Variants in CSMD1 observed in about 807,000 individuals in gnomAD.
CSMD1 encodes CUB and sushi domain-containing protein 1.
In CSMD1, 213 loss-of-function variants were observed where a neutral mutation model predicts 417.5. The observed-to-expected ratio is 0.51, with a 90% CI of 0.46 to 0.57. The LOEUF is 0.57. Ranked by LOEUF, CSMD1 falls within the 20% of genes least tolerant of loss-of-function variation. The probability of loss-of-function intolerance (pLI) is 0.00; values close to 1 mark genes in which losing one functional copy is unlikely to be tolerated. For missense variants in CSMD1, 6,923 were observed against 4,529.7 expected (o/e 1.53, Z -15.17); for synonymous variants, 2,862 against 1,736.8 (o/e 1.65, Z -16.11).
chr8:3,955,442 G>GA (rs1226991073), intron 5 of CSMD1, among the ~76,000 whole-genome samples: 3 of 152,074 alleles, frequency 2.0e-5, no homozygotes, highest in Non-Finnish European at 4.4e-5. Flanking sequence ...AAACCAGAAT[G>GA]AAAAAATGTA....
At chr8:3,654,042 A>T (rs944204675) in intron 7 of CSMD1, among the ~76,000 whole-genome samples, 1 of 152,156 alleles carries the variant, frequency 6.6e-6, no homozygotes, top group Non-Finnish European at 1.5e-5. Context: ...GGCCAACTGT[A>T]TAACATCCAA....
intron 10 of CSMD1, among the ~76,000 whole-genome samples, chr8:3,532,698 C>G (rs1269964522): frequency 6.6e-6 from 1 of 152,058 alleles, no homozygotes; most frequent in Admixed American, 6.6e-5. Context: ...CATCCTTATT[C>G]CAAACAATTT....
chr8:3,762,952 C>T (rs1376244392), intron 5 of CSMD1, among the ~76,000 whole-genome samples: 1 of 139,094 alleles, frequency 7.2e-6, no homozygotes, highest in South Asian at 2.1e-4. Flanking sequence ...TTCTGCTCAT[C>T]CCCCAACTCT....
At chr8:3,796,092 TCATA>T (rs1800087529) in intron 5 of CSMD1, among the ~76,000 whole-genome samples, 1 of 26,484 alleles carries the variant, frequency 3.8e-5, no homozygotes, top group Non-Finnish European at 7.9e-5. Flanking sequence ...TATATATCTA[TCATA>T]GATATAGATA....
intron 5 of CSMD1, among the ~76,000 whole-genome samples, chr8:3,754,773 A>G (rs1048172068): frequency 1.1e-4 from 16 of 152,148 alleles, no homozygotes; most frequent in African/African-American, 3.6e-4. Flanking sequence ...TACGAATTCT[A>G]TGTAACCTGA....
intron 2 of CSMD1, among the ~76,000 whole-genome samples, chr8:4,584,589 C>G (rs1466794245): frequency 6.6e-6 from 1 of 152,054 alleles, no homozygotes; most frequent in Non-Finnish European, 1.5e-5. Flanking sequence ...CTGGGCTGAG[C>G]CGAGGGTCTA....
At position 4,728,343 on chromosome 8, in the gene CSMD1, G is replaced by A. The variant is rs967971181; in HGVS notation, c.86-90785C>T. On this transcript the variant is annotated intron_variant, in intron 1 of 69. Coordinates refer to ENST00000635120, the MANE Select transcript of CSMD1 (RefSeq NM_033225.6). ...GTTCTCTTTTTAAAAATGCTCATTT[G>A]CTTAAGTAATTTGGTCCTCATTACA... 2.2e-4 allele frequency among the ~76,000 whole-genome samples: 33 copies of A among 151,608 alleles called. 1 individual carries two copies. The highest frequency in any genetic ancestry group is 1.0e-4 in the Non-Finnish European group (7 of 67,890).
At chr8:3,019,699 T>C (rs1809196298) in intron 51 of CSMD1, among the ~76,000 whole-genome samples, 1 of 152,194 alleles carries the variant, frequency 6.6e-6, no homozygotes, top group African/African-American at 2.4e-5. Flanking sequence ...ATTGATCGTG[T>C]CCATTTTCAC....
At chr8:3,783,885 G>A (rs145442448) in intron 5 of CSMD1, among the ~76,000 whole-genome samples, 2,667 of 147,818 alleles carry the variant, frequency 0.018, 46 homozygotes, top group Non-Finnish European at 0.026. Flanking sequence ...AACTAGACTC[G>A]GCCATGGTTG....
At chr8:3,933,478 C>T (rs1197854125) in intron 5 of CSMD1, among the ~76,000 whole-genome samples, 2 of 152,082 alleles carry the variant, frequency 1.3e-5, no homozygotes, top group Admixed American at 1.3e-4. Context: ...CCCACTCAAC[C>T]CCTTTCAGCC....
intron 5 of CSMD1, among the ~76,000 whole-genome samples, chr8:3,776,319 A>C (rs1798884155): frequency 6.6e-6 from 1 of 152,140 alleles, no homozygotes; most frequent in South Asian, 2.1e-4. Context: ...CCCAAATTAG[A>C]TCACATTGCA....
At chr8:3,511,704 G>C (rs915342072) in intron 10 of CSMD1, among the ~76,000 whole-genome samples, 7 of 149,200 alleles carry the variant, frequency 4.7e-5, no homozygotes, top group East Asian at 1.9e-4. Flanking sequence ...GTTGTGGTGA[G>C]ATGAGATCAC....
intron 1 of CSMD1, among the ~76,000 whole-genome samples, chr8:4,946,988 G>T (rs992671249): frequency 2.0e-5 from 3 of 152,140 alleles, no homozygotes; most frequent in Non-Finnish European, 4.4e-5. Context: ...AGTAATCAAT[G>T]TCTGTAATCC....
At chr8:3,788,539 TCAAC>T (rs199503296) in intron 5 of CSMD1, among the ~76,000 whole-genome samples, 2 of 152,196 alleles carry the variant, frequency 1.3e-5, no homozygotes, top group Non-Finnish European at 2.9e-5. Context: ...AGATATTTAT[TCAAC>T]CATCCATCCA....
At chr8:4,437,295 ATTAT>A (rs1798203017) in intron 2 of CSMD1, among the ~76,000 whole-genome samples, 3 of 152,336 alleles carry the variant, frequency 2.0e-5, no homozygotes, top group South Asian at 4.1e-4. Context: ...CTGAAATATG[ATTAT>A]TTAGTTTGAG....
At chr8:4,368,098 G>A (rs953666159) in intron 3 of CSMD1, among the ~76,000 whole-genome samples, 4 of 152,046 alleles carry the variant, frequency 2.6e-5, no homozygotes, top group Non-Finnish European at 5.9e-5. Context: ...TGTTCTCAAG[G>A]GGAGTGCTTC....
At chr8:3,264,168 G>A (rs140694827) in intron 26 of CSMD1, among the ~76,000 whole-genome samples, 32 of 152,234 alleles carry the variant, frequency 2.1e-4, no homozygotes, top group African/African-American at 7.2e-4. Context: ...ATAAAAATCT[G>A]TATATTGACA....
At chr8:4,835,800 T>C (rs1316790330) in intron 1 of CSMD1, among the ~76,000 whole-genome samples, 1 of 151,784 alleles carries the variant, frequency 6.6e-6, no homozygotes, top group Non-Finnish European at 1.5e-5. Context: ...AACAGTGTTA[T>C]ATCTCATCAA....
intron 1 of CSMD1, among the ~76,000 whole-genome samples, chr8:4,977,676 T>C (rs947598367): frequency 1.3e-5 from 2 of 152,170 alleles, no homozygotes; most frequent in African/African-American, 4.8e-5. Flanking sequence ...GTTGACATAA[T>C]TGTTAAGTGA....
Sources: gnomAD v4.1 joint callset for allele counts (sites outside exome capture counted in the v4.1 genomes callset) on GRCh38, gnomAD v4.1.1 for gene constraint, MANE v1.5 for transcripts, NCBI Gene and HGNC (gene_info 2026-07-23, HGNC 2026-07-21) for gene names.